SMARCC1: variants seen among roughly 807,000 people sequenced by gnomAD.
SMARCC1 encodes the protein SWI/SNF related BAF chromatin remodeling complex subunit C1.
A neutral mutation model predicts 147.4 loss-of-function variants in SMARCC1; 43 were observed. That is an observed-to-expected ratio of 0.29 (90% CI 0.23 to 0.38). SMARCC1 has a LOEUF of 0.38. Ranked by LOEUF, SMARCC1 falls within the 10% of genes least tolerant of loss-of-function variation. SMARCC1 has a pLI of 1.00. For missense variants in SMARCC1, 1,119 were observed against 1,381.1 expected, an observed-to-expected ratio of 0.81 and a Z score of 3.01; for synonymous variants, 495 against 484.4, an observed-to-expected ratio of 1.02 and a Z score of -0.29.
At chr3:47,753,260 G>A in intron 2 of SMARCC1, among the ~76,000 whole-genome samples, 2 of 151,144 alleles carry the variant, frequency 1.3e-5, no homozygotes, top group Admixed American at 1.3e-4. Context: ...AGGAGGTGGA[G>A]GTAGCAGTGA....
chr3:47,779,238 AT>A lies in SMARCC1; in HGVS notation c.195+2364del, dbSNP rs201310205. 4.2e-3 allele frequency among the ~76,000 whole-genome samples: 641 copies of A among 152,320 alleles called. 7 individuals carry two copies. The highest frequency in any genetic ancestry group is 0.015 in the African/African-American group (618 of 41,580). On this transcript the variant is annotated intron_variant, in intron 1 of 27. Transcript: ENST00000254480. ...CACAGAAAGACCCTGTCTCAAAAAA[AT>A]AAAGTAAAATAAAAATAAATAAAAA... is the stretch of plus-strand genomic sequence containing the variant.
chr3:47,757,519 G>A (rs2034714489), intron 2 of SMARCC1, among the ~76,000 whole-genome samples: 3 of 152,128 alleles, frequency 2.0e-5, no homozygotes, highest in Non-Finnish European at 4.4e-5. Context: ...GCTCATGCCT[G>A]TAATCTCAGC....
chr3:47,736,950 A>G (rs1015728098), intron 4 of SMARCC1, among the ~76,000 whole-genome samples: 7 of 152,302 alleles, frequency 4.6e-5, no homozygotes, highest in African/African-American at 1.7e-4. Context: ...CATATTAGGA[A>G]ACACAAATAA....
At position 47,671,010 on chromosome 3, in the gene SMARCC1, C is replaced by T. The variant is rs545466436; in HGVS notation, c.1840-293G>A. On this transcript the variant is annotated intron_variant, in intron 18 of 27. Transcript: ENST00000254480. ...GACAAGCCTGGCCAACACGGTGAAA[C>T]CCCATCTCTACTAAAAATACAAAAA... Among the ~76,000 whole-genome samples, 150 of 151,632 alleles carry T rather than the reference C, an allele frequency of 9.9e-4. 1 individual carries two copies. The Middle Eastern group carries it at 0.014, about 14-fold the overall frequency.
intron 21 of SMARCC1, among the ~76,000 whole-genome samples, chr3:47,642,971 G>A (rs1196945301): frequency 1.3e-5 from 2 of 152,128 alleles, no homozygotes; most frequent in Non-Finnish European, 2.9e-5. Context: ...TGCTGAGCCT[G>A]GGAAGTTGAG....
chr3:47,651,342 CTGCTCCACT>C (rs1355003226), intron 21 of SMARCC1, among the ~76,000 whole-genome samples: 1 of 152,228 alleles, frequency 6.6e-6, no homozygotes, highest in African/African-American at 2.4e-5. Flanking sequence ...TTTGGTCAAA[CTGCTCCACT>C]TGCTCCACTT....
At chr3:47,609,482 G>C (rs1410788373) in intron 26 of SMARCC1, among the ~76,000 whole-genome samples, 2 of 150,000 alleles carry the variant, frequency 1.3e-5, no homozygotes, top group Non-Finnish European at 3.0e-5. Context: ...GGGCGACAGA[G>C]CGAGACTCCG....
rs2034931271 is a variant in SMARCC1 at position 47,772,847 on chromosome 3, A to T, written c.285T>A (p.His95Gln). ...LQFQEDAFGK[H>Q]VTNPAFTKLP... Reference sequence around the variant, plus strand: ...GTTTGGTGAAGGCCGGGTTGGTGACATGCTTCCCAAAGGCATCTTCCTGGA... The same window carrying T: ...GTTTGGTGAAGGCCGGGTTGGTGACTTGCTTCCCAAAGGCATCTTCCTGGA... Residue 95 changes from histidine to glutamine, a missense_variant, in exon 2 of 28, where the codon CAT becomes CAA. Transcript: ENST00000254480. 1 of 1,613,362 alleles carries T rather than the reference A, an allele frequency of 6.2e-7. No homozygotes were observed. Among genetic ancestry groups the T allele is most frequent in the East Asian group, 2.2e-5 (1 of 44,848 alleles).
intron 21 of SMARCC1, among the ~76,000 whole-genome samples, chr3:47,652,623 C>CAAAA (rs11377736): frequency 3.0e-5 from 4 of 134,946 alleles, no homozygotes; most frequent in Admixed American, 7.5e-5. Context: ...CTTGCTTTTG[C>CAAAA]AAAAAAAAAA....
chr3:47,694,933 T>C (rs1306521829), intron 11 of SMARCC1, among the ~76,000 whole-genome samples: 2 of 152,206 alleles, frequency 1.3e-5, no homozygotes, highest in Non-Finnish European at 1.5e-5. Context: ...CTTTGTTAAA[T>C]GGTAAATACT....
At chr3:47,644,206 G>A (rs2033089197) in intron 21 of SMARCC1, among the ~76,000 whole-genome samples, 2 of 152,128 alleles carry the variant, frequency 1.3e-5, no homozygotes, top group South Asian at 2.1e-4. Context: ...AAGGCTGGGT[G>A]CAGTGGCTCA....
At chr3:47,678,348 T>C (rs1320369799) in intron 15 of SMARCC1, 37 bp from the exon 16 acceptor site, 3 of 1,002,374 alleles carry the variant, frequency 3.0e-6, no homozygotes, top group African/African-American at 3.3e-5. Context: ...GGTGGACATG[T>C]ATCCTCTCAG....
chr3:47,644,667 C>T (rs1242968275), intron 21 of SMARCC1, among the ~76,000 whole-genome samples: 2 of 152,000 alleles, frequency 1.3e-5, no homozygotes, highest in African/African-American at 4.8e-5. Context: ...GCCACCAGGC[C>T]TGGTTAATTT....
At chr3:47,775,120 T>C (rs1029490023) in intron 1 of SMARCC1, among the ~76,000 whole-genome samples, 4 of 151,898 alleles carry the variant, frequency 2.6e-5, no homozygotes, top group African/African-American at 9.7e-5. Context: ...TACTTTCAAG[T>C]GAAAATTTGA....
chr3:47,664,878 T>G (rs1045605220), intron 19 of SMARCC1, among the ~76,000 whole-genome samples: 2 of 152,190 alleles, frequency 1.3e-5, no homozygotes, highest in African/African-American at 4.8e-5. Flanking sequence ...TATTGAATGC[T>G]CCAACTGAAA....
chr3:47,778,767 C>T (rs774555598), intron 1 of SMARCC1, among the ~76,000 whole-genome samples: 1 of 151,974 alleles, frequency 6.6e-6, no homozygotes, highest in African/African-American at 2.4e-5. Flanking sequence ...CTGAGGCAGG[C>T]AGAGAGCCCA....
rs11352536 is a variant in SMARCC1, at chr3:47,688,306, ATT to A, written c.1263+1079_1263+1080del. On this transcript the variant is annotated intron_variant, in intron 13 of 27. Transcript: ENST00000254480. ...GTGGCTCTTTGACTAAATAACTTTG[ATT>A]TTTTTTTTTTTTTAATCATAAGAAC... Among the ~76,000 whole-genome samples, 821 of 146,972 alleles carry A rather than the reference ATT, an allele frequency of 5.6e-3. 8 individuals are homozygous for A. The highest frequency in any genetic ancestry group is 0.03 in the East Asian group (152 of 5,076).
At chr3:47,665,742 G>C (rs2033412128) in intron 19 of SMARCC1, among the ~76,000 whole-genome samples, 1 of 152,082 alleles carries the variant, frequency 6.6e-6, no homozygotes, top group Non-Finnish European at 1.5e-5. Context: ...ATGATTCAAT[G>C]AAAGTTTTTA....
intron 12 of SMARCC1, 89 bp from the exon 13 acceptor site, chr3:47,689,513 G>T: frequency 9.2e-7 from 1 of 1,083,940 alleles, no homozygotes; most frequent in Non-Finnish European, 1.4e-6. Context: ...AACTGATACT[G>T]GACAGAGAAA....
Sources: gnomAD v4.1 joint callset for allele counts (sites outside exome capture counted in the v4.1 genomes callset) on GRCh38, gnomAD v4.1.1 for gene constraint, MANE v1.5 for transcripts, NCBI Gene and HGNC (gene_info 2026-07-23, HGNC 2026-07-21) for gene names.